Variants in FRS3 observed in about 807,000 individuals in gnomAD.
FRS3 encodes the protein FGFR substrate 3.
FRS3 carries 17 observed loss-of-function variants against 41.9 expected under a neutral mutation model. The ratio of observed to expected loss-of-function variants is 0.41; its 90% CI spans 0.28 to 0.61. FRS3 has a LOEUF of 0.61. FRS3 is among the 20% of genes least tolerant of loss of function. The pLI is 0.36. For missense variants in FRS3, 619 were observed against 672.1 expected, an observed-to-expected ratio of 0.92 and a Z score of 0.87; for synonymous variants, 287 against 274.5, an observed-to-expected ratio of 1.05 and a Z score of -0.45.
intron 3 of FRS3, chr6:41,776,627 A>C: frequency 2.9e-6 from 1 of 350,734 alleles, no homozygotes; most frequent in Non-Finnish European, 5.2e-6. Flanking sequence ...TTTTCTCTAA[A>C]AAAAAAAGGG....
Position 41,773,871 on chromosome 6 carries a change from C to CA in FRS3, c.254-913dup, listed in dbSNP as rs1179470439. ...TGGGTGACAGAGCGAGACTCTGTCTCAAAAAAAAAGAAAAAAGAAAAGAAA... is the reference window on the plus strand; with the variant it reads ...TGGGTGACAGAGCGAGACTCTGTCTCAAAAAAAAAAGAAAAAAGAAAAGAAA... On this transcript the variant is annotated intron_variant, in intron 4 of 6. Transcript: ENST00000373018. Among the ~76,000 whole-genome samples the CA allele has an allele frequency of 3.6e-3, 475 of 132,120 alleles. 2 individuals are homozygous for CA. The highest frequency in any genetic ancestry group is 0.01 in the African/African-American group (369 of 35,394). The allele number at this position is 132,120 out of a possible 152,430, so 86.7% of individuals were successfully genotyped here. A position where few individuals can be genotyped will look rare whatever the true frequency, so the allele number is the denominator to read the frequency against.
At position 41,770,805 on chromosome 6, in the gene FRS3, C is replaced by T; in HGVS notation, c.1293G>A (p.Lys431=). 1 of 1,611,454 alleles carries T rather than the reference C, an allele frequency of 6.2e-7. No homozygotes were observed. The highest frequency in any genetic ancestry group is 8.5e-7 in the Non-Finnish European group (1 of 1,179,488). ...GGGGGCTCGAGGGGTTCTGGGGCCC[C>T]TTAGGGCGGTCTCCACCCCAGCCCT... ...ELKGWGGDRP[K]GPQNPSSPQA... Residue 431 remains lysine, a synonymous_variant, in exon 7 of 7, where the codon AAG becomes AAA. Coordinates refer to ENST00000373018, the MANE Select transcript of FRS3 (RefSeq NM_006653.5).
rs757431291 is a variant in FRS3 at position 41,771,300 on chromosome 6, G to A, written c.798C>T (p.Pro266=). 1.2e-6 allele frequency: 2 copies of A among 1,613,444 alleles called. No homozygotes were observed. The highest frequency in any genetic ancestry group is 1.7e-6 in the Non-Finnish European group (2 of 1,179,634). ...CCTCATTGTTATTATTGTGGTGTGG[G>A]GGGTCATGCAGGCTGGGACAGAGGC... is the stretch of plus-strand genomic sequence containing the variant. ...CQGLCPSLHD[P]PHHNNNNEAP... is the part of the protein sequence containing the mutation. Residue 266 remains proline (P), a synonymous_variant, in exon 7 of 7, where the codon CCC becomes CCT. Transcript: ENST00000373018.
rs199959552 is a variant in FRS3 at position 41,771,895 on chromosome 6, C to T, written c.485G>A (p.Arg162Gln). 2.3e-4 allele frequency: 356 copies of T among 1,555,822 alleles called. 6 individuals carry two copies. In the South Asian group the frequency reaches 2.8e-3, roughly 12 times the overall value. ...PGEGPRFSAPRRLSTSSLRHP... is the reference protein window; with the variant it reads ...PGEGPRFSAPQRLSTSSLRHP... ...CCGCAGGCTGCTTGTCGAGAGCCGCCGGGGAGCTGAGAATCGTGGGCCCTC... is the reference window on the plus strand; with the variant it reads ...CCGCAGGCTGCTTGTCGAGAGCCGCTGGGGAGCTGAGAATCGTGGGCCCTC... Residue 162 changes from arginine (R) to glutamine (Q), a missense_variant, in exon 6 of 7, where the codon CGG (arginine) becomes CAG (glutamine). Around this residue, in one of 3 missense-constraint regions of FRS3, gnomAD observed 487 missense variants for 478.3 expected, o/e 1.02. Transcript: ENST00000373018.
At position 41,772,298 on chromosome 6, in the gene FRS3, C is replaced by CA. The variant is rs1187718189; in HGVS notation, c.416-335dup. ...GCCAGTAAGGTCCAGGGAAGCTCCTCAAAAAAAGGGACTGCGCTTCTATTT... is the reference window on the plus strand; with the variant it reads ...GCCAGTAAGGTCCAGGGAAGCTCCTCAAAAAAAAGGGACTGCGCTTCTATTT... On this transcript the variant is annotated intron_variant, in intron 5 of 6. Coordinates refer to ENST00000373018, the MANE Select transcript of FRS3 (RefSeq NM_006653.5). 3.9e-5 allele frequency among the ~76,000 whole-genome samples: 6 copies of CA among 152,140 alleles called. No individual in the cohort carries two copies. In the East Asian group the frequency reaches 7.7e-4, roughly 20 times the overall value.
At chr6:41,772,519 A>C (rs1238318387) in intron 5 of FRS3, among the ~76,000 whole-genome samples, 1 of 152,190 alleles carries the variant, frequency 6.6e-6, no homozygotes, top group East Asian at 1.9e-4. Flanking sequence ...AAAACTCCAG[A>C]CTGCCAATTC....
intron 4 of FRS3, 139 bp downstream of exon 4, chr6:41,775,280 T>G (rs929978533): frequency 1.6e-6 from 1 of 643,358 alleles, no homozygotes; most frequent in African/African-American, 1.9e-5. Context: ...GACCTCTGAC[T>G]GCAGGGAGAA....
rs373060628 is a variant in FRS3, at chr6:41,777,056, A to T, written c.-23-46T>A. The T allele has an allele frequency of 3.8e-4, 536 of 1,402,076 alleles. No homozygotes were observed. The African/African-American group carries it at 6.3e-3, about 16-fold the overall frequency. 86.9% of individuals were successfully genotyped at this position (1,402,076 alleles called of 1,614,324 possible). ...ATGCAGGTCACCAACTTCAGCTTCAAAAAACCCTGCTCTGGGGAACTTGGG... is the reference window on the plus strand; with the variant it reads ...ATGCAGGTCACCAACTTCAGCTTCATAAAACCCTGCTCTGGGGAACTTGGG... On this transcript the variant is annotated intron_variant, in intron 2 of 6. Coordinates refer to ENST00000373018, the MANE Select transcript of FRS3 (RefSeq NM_006653.5).
intron 6 of FRS3, 87 bp from the exon 7 acceptor site, chr6:41,771,620 A>C (rs1772296795): frequency 8.0e-7 from 1 of 1,253,120 alleles, no homozygotes; most frequent in Admixed American, 2.3e-5. Context: ...AAAGAAGCAC[A>C]CAGAAAAAGA....
intron 1 of FRS3, among the ~76,000 whole-genome samples, chr6:41,778,670 T>C (rs1772460197): frequency 6.6e-6 from 1 of 152,074 alleles, no homozygotes; most frequent in South Asian, 2.1e-4. Flanking sequence ...GGGGGAACCA[T>C]CTATAAACTG....
chr6:41,776,638 G>A, intron 3 of FRS3: 1 of 376,794 alleles, frequency 2.7e-6, no homozygotes, highest in Non-Finnish European at 4.8e-6. Flanking sequence ...AAAAAAAGGG[G>A]GGGGGATATA....
rs1772270202 is a variant in FRS3 at position 41,770,891 on chromosome 6, C to G, written c.1207G>C (p.Asp403His). Residue 403 changes from aspartate (D) to histidine (H), a missense_variant, in exon 7 of 7, where the codon GAT becomes CAT. Asp to His is a moderately conservative substitution (Grantham distance 81). Coordinates refer to ENST00000373018, the MANE Select transcript of FRS3 (RefSeq NM_006653.5). ...GGCTCGGGCCCCGGCCGGCGGAAAT[C>G]AAAGTTGAAGACCCTTGGGGAGCCG... ...RRGSPRVFNF[D>H]FRRPGPEPPR... 2 of 1,610,704 alleles carry G rather than the reference C, an allele frequency of 1.2e-6. No individual in the cohort carries two copies. The highest frequency in any genetic ancestry group is 1.3e-5 in the African/African-American group (1 of 75,068).
chr6:41,776,054 A>G (rs149013270), intron 3 of FRS3, among the ~76,000 whole-genome samples: 10 of 152,130 alleles, frequency 6.6e-5, no homozygotes, highest in East Asian at 1.9e-4. Flanking sequence ...CACCTCCCCA[A>G]CTGTGTGCCC....
rs1238850474 is a variant in FRS3, at chr6:41,775,588, A to G, written c.84T>C (p.Asp28=). The G allele has an allele frequency of 3.1e-6, 5 of 1,613,742 alleles. No homozygotes were observed. Among genetic ancestry groups the G allele is most frequent in the Non-Finnish European group, 4.2e-6 (5 of 1,179,680 alleles). ...PTKFKVTNVD[D]EGVELGSGVM... ...CCCCAGAGCCCAGCTCCACCCCCTC[A>G]TCATCCACATTTGTCACCTGGAGGG... The change falls in exon 4 of 7, where the codon GAT becomes GAC. Residue 28 remains aspartate (D), a synonymous_variant. Coordinates refer to ENST00000373018, the MANE Select transcript of FRS3 (RefSeq NM_006653.5).
Position 41,772,896 on chromosome 6 carries a change from TGCATCAGATCCTGAAG to T in FRS3, c.301_316del (p.Leu101SerfsTer7), listed in dbSNP as rs1208060384. 1.2e-6 allele frequency: 2 copies of T among 1,611,830 alleles called. No individual in the cohort carries two copies. The highest frequency in any genetic ancestry group is 1.7e-6 in the Non-Finnish European group (2 of 1,178,144). ...TTCCATCACATTGATGCTGTTGCAC[TGCATCAGATCCTGAAG>T]GAGGTTGAAGATTTCCTCAGCCCGG... On this transcript the variant is annotated frameshift_variant, in exon 5 of 7. Coordinates refer to ENST00000373018, the MANE Select transcript of FRS3 (RefSeq NM_006653.5). LOFTEE classifies it high-confidence loss of function.
rs1374661955 is a variant in FRS3, at chr6:41,775,406, G to C, written c.253+13C>G. On this transcript the variant is annotated intron_variant, in intron 4 of 6. Transcript: ENST00000373018. The stretch of plus-strand genomic sequence containing the variant: ...AGCCCCTATCCCAGGGTGGAGCAGG[G>C]CCTGGTACTCACCCTGGCCTGTCTG... The C allele has an allele frequency of 3.7e-6, 6 of 1,602,718 alleles. No homozygotes were observed. Among genetic ancestry groups the C allele is most frequent in the Admixed American group, 1.7e-5 (1 of 59,276 alleles).
intron 4 of FRS3, among the ~76,000 whole-genome samples, chr6:41,773,293 G>A (rs1458007104): frequency 2.6e-5 from 4 of 151,768 alleles, no homozygotes; most frequent in African/African-American, 7.3e-5. Flanking sequence ...TAGTTGAGAC[G>A]GGGTTTCACC....
rs749268661 is a variant in FRS3 at position 41,770,957 on chromosome 6, G to A, written c.1141C>T (p.Arg381Cys). Residue 381 changes from arginine (R) to cysteine (C), a missense_variant, in exon 7 of 7, where the codon CGC becomes TGC. Around this residue, in one of 3 missense-constraint regions of FRS3, gnomAD observed 487 missense variants for 478.3 expected, o/e 1.02. Transcript: ENST00000373018. ...GGCACAGGAAAGCTGCCGTGGCTGC[G>A]GATGGCGGCCCGGGTGCTGGTGGGC... Reference protein sequence around the residue: ...QKPTSTRAAIRSHGSFPVPLT... With the variant: ...QKPTSTRAAICSHGSFPVPLT... 179 of 1,612,936 alleles carry A rather than the reference G, an allele frequency of 1.1e-4. No homozygotes were observed. Among genetic ancestry groups the A allele is most frequent in the South Asian group, 1.0e-3 (93 of 91,074 alleles).
At position 41,770,947 on chromosome 6, in the gene FRS3, C is replaced by T. The variant is rs1424833189; in HGVS notation, c.1151G>A (p.Gly384Asp). The T allele has an allele frequency of 6.2e-7, 1 of 1,612,712 alleles. No homozygotes were observed. The highest frequency in any genetic ancestry group is 8.5e-7 in the Non-Finnish European group (1 of 1,179,952). ...GCGGGTCAGTGGCACAGGAAAGCTG[C>T]CGTGGCTGCGGATGGCGGCCCGGGT... Reference protein sequence around the residue: ...TSTRAAIRSHGSFPVPLTRRR... With the variant: ...TSTRAAIRSHDSFPVPLTRRR... The change falls in exon 7 of 7, where the codon GGC becomes GAC. Residue 384 changes from glycine to aspartate, a missense_variant. Gly to Asp is a moderately conservative substitution (Grantham distance 94, BLOSUM62 -1). This residue lies in a region of FRS3 where 487 missense variants were observed against 478.3 expected (regional missense o/e 1.02). Transcript: ENST00000373018.
Sources: allele counts gnomAD v4.1 joint callset (sites outside exome capture counted in the v4.1 genomes callset), GRCh38; gene constraint gnomAD v4.1.1; regional missense constraint gnomAD v4.1.1; transcripts MANE v1.5; gene names NCBI Gene and HGNC (gene_info 2026-07-23, HGNC 2026-07-21).